Variants in MYO18B observed in about 807,000 individuals in gnomAD.
The protein encoded by MYO18B is unconventional myosin-XVIIIb.
Under a neutral mutation model 273.0 loss-of-function variants are expected in MYO18B, and 204 were observed. The ratio of observed to expected loss-of-function variants is 0.75; its 90% confidence interval spans 0.67 to 0.84. MYO18B has a LOEUF of 0.84. MYO18B is among the 40% of genes least tolerant of loss of function. MYO18B has a pLI of 0.00. For synonymous variants in MYO18B, 1,330 were observed against 1,305.7 expected (o/e 1.02, Z -0.40); for missense variants, 3,212 against 3,287.6 (o/e 0.98, Z 0.56).
chr22:26,060,662 C>T, the MYO18B span, among the ~76,000 whole-genome samples: 1 of 152,126 alleles, frequency 6.6e-6, no homozygotes, highest in Non-Finnish European at 1.5e-5. Context: ...CACATTTATA[C>T]ATACGCACAC....
chr22:25,751,964 C>A (rs957210335), intron 1 of MYO18B, among the ~76,000 whole-genome samples: 5 of 152,128 alleles, frequency 3.3e-5, no homozygotes, highest in Non-Finnish European at 7.4e-5. Context: ...CACTGCACGG[C>A]TAGGAAAACT....
intron 25 of MYO18B, among the ~76,000 whole-genome samples, chr22:25,886,316 C>T (rs73407520): frequency 0.019 from 2,873 of 152,288 alleles, 95 homozygotes; most frequent in African/African-American, 0.063. Flanking sequence ...CTGGGGAACC[C>T]GGGAGCCTGC....
chr22:26,062,680 T>C, the MYO18B span, among the ~76,000 whole-genome samples: 1 of 152,216 alleles, frequency 6.6e-6, no homozygotes, highest in Non-Finnish European at 1.5e-5. Context: ...ACAAATAAAA[T>C]ATGCCTGGCT....
the MYO18B span, among the ~76,000 whole-genome samples, chr22:26,050,881 A>G: frequency 6.6e-6 from 1 of 152,340 alleles, no homozygotes; most frequent in East Asian, 1.9e-4. Flanking sequence ...TATTTGTAGG[A>G]TAAAAGGTTG....
chr22:25,843,875 G>T lies in MYO18B; in HGVS notation c.3349G>T (p.Val1117Phe). 6.2e-7 allele frequency: 1 copy of T among 1,608,644 alleles called. No individual in the cohort carries two copies. The highest frequency in any genetic ancestry group is 8.5e-7 in the Non-Finnish European group (1 of 1,175,572). The change falls in exon 18 of 44, where the codon GTC (valine) becomes TTC (phenylalanine). Residue 1117 changes from valine (V) to phenylalanine (F), a missense_variant. Transcript: ENST00000335473. The part of the protein sequence containing the change: ...PNLSALDAPQ[V>F]LHQSKREELR... ...CCTCTCGGCCCTGGATGCACCCCAG[G>T]TCCTGCACCAGTCAAAAAGGTGAGT...
Position 25,955,166 on chromosome 22 carries a change from C to T in MYO18B, c.5971-13C>T, listed in dbSNP as rs748463239. 1 of 1,586,786 alleles carries T rather than the reference C, an allele frequency of 6.3e-7. No homozygotes were observed. Among genetic ancestry groups the T allele is most frequent in the South Asian group, 1.2e-5 (1 of 86,516 alleles). On this transcript the variant is annotated splice_polypyrimidine_tract_variant and intron_variant, in intron 38 of 43. Transcript: ENST00000335473. ...CCAACTCCAAGGTGGGCATGTGTCT[C>T]TGCCCCTCCCAGGTCCTGGTGATCC...
chr22:25,993,260 A>G (rs959398037), intron 40 of MYO18B, among the ~76,000 whole-genome samples: 3 of 152,086 alleles, frequency 2.0e-5, no homozygotes, highest in Non-Finnish European at 2.9e-5. Context: ...CCCAGGAGCT[A>G]CCTTTGTACC....
rs1353108693 is a variant in MYO18B, at chr22:25,886,144, C to A, written c.4315-4612C>A. ...CTCGAGACAACATCAGTACCCACTT[C>A]TCAGCATTTTGAGCATTCTGTGGGC... On this transcript the variant is annotated intron_variant, in intron 25 of 43. Coordinates refer to ENST00000335473, the MANE Select transcript of MYO18B (RefSeq NM_032608.7). Among the ~76,000 whole-genome samples the A allele has an allele frequency of 2.0e-5, 3 of 152,246 alleles. No homozygotes were observed. In the East Asian group the frequency reaches 5.8e-4, roughly 29 times the overall value.
At chr22:25,811,899 A>G (rs749051269) in intron 12 of MYO18B, among the ~76,000 whole-genome samples, 17 of 152,238 alleles carry the variant, frequency 1.1e-4, no homozygotes, top group Non-Finnish European at 2.2e-4. Flanking sequence ...CCAGTGTTCA[A>G]CATTTCAATG....
At chr22:25,799,914 A>G (rs1354171691) in intron 12 of MYO18B, among the ~76,000 whole-genome samples, 1 of 152,232 alleles carries the variant, frequency 6.6e-6, no homozygotes, top group Non-Finnish European at 1.5e-5. Flanking sequence ...TGGCAAAGAT[A>G]TGGAACCAAT....
intron 39 of MYO18B, 39 bp downstream of exon 39, chr22:25,955,403 G>A (rs573080148): frequency 1.9e-6 from 3 of 1,571,128 alleles, no homozygotes; most frequent in South Asian, 2.3e-5. Flanking sequence ...AGCGACTGAG[G>A]GTTTGCAATG....
chr22:25,971,420 G>A (rs2093035164), intron 39 of MYO18B, among the ~76,000 whole-genome samples: 1 of 152,190 alleles, frequency 6.6e-6, no homozygotes, highest in Non-Finnish European at 1.5e-5. Context: ...ATGTTAAGTG[G>A]TCAATAAATT....
At chr22:26,061,874 A>G in the MYO18B span, among the ~76,000 whole-genome samples, 1 of 135,976 alleles carries the variant, frequency 7.4e-6, no homozygotes, top group Admixed American at 7.4e-5. Context: ...TCCATGATTT[A>G]AAAATTGATG....
At position 25,781,749 on chromosome 22, in the gene MYO18B, A is replaced by G. The variant is rs1301135847; in HGVS notation, c.2227A>G (p.Lys743Glu). ...CTCCCTGCAGACAATGCTTTTGGAG[A>G]AGAGCCGCGTGGCACGGCAGCCGGA... ...AAQLQTMLLE[K>E]SRVARQPEGE... Residue 743 changes from lysine (K) to glutamate (E), a missense_variant, in exon 10 of 44, where the codon AAG becomes GAG. By Grantham distance (56) the Lys-to-Glu change is moderately conservative (BLOSUM62 1). Coordinates refer to ENST00000335473, the MANE Select transcript of MYO18B (RefSeq NM_032608.7). The G allele has an allele frequency of 1.3e-6, 2 of 1,572,290 alleles. No homozygotes were observed. Among genetic ancestry groups the G allele is most frequent in the African/African-American group, 2.7e-5 (2 of 73,708 alleles).
chr22:25,850,259 A>T (rs1486473716), intron 20 of MYO18B, among the ~76,000 whole-genome samples: 3 of 152,190 alleles, frequency 2.0e-5, no homozygotes, highest in African/African-American at 7.2e-5. Context: ...GTCTTTTTTA[A>T]GCAGTTGAGG....
chr22:25,743,368 C>T (rs764318434), intron 1 of MYO18B, among the ~76,000 whole-genome samples: 2 of 152,098 alleles, frequency 1.3e-5, no homozygotes, highest in Non-Finnish European at 2.9e-5. Context: ...TGCCTGGGTA[C>T]CATGTCCAGT....
In MYO18B at chr22:26,027,104, C is replaced by G. The variant is rs576505734; in HGVS notation, c.7130C>G (p.Ser2377Trp). The change falls in exon 43 of 44, where the codon TCG becomes TGG. Residue 2377 changes from serine (S) to tryptophan (W), a missense_variant. By Grantham distance (177) the Ser-to-Trp change is radical. Coordinates refer to ENST00000335473, the MANE Select transcript of MYO18B (RefSeq NM_032608.7). This position sits in a 1 kb window ranked among gnomAD's most constrained non-coding sequence, Gnocchi z 4.1. ...ACCACACCCAGGGACATGCTGTTGT[C>G]GCCCACACTGCGTCCTCGGAGGCGG... ...SPTTPRDMLL[S>W]PTLRPRRRCL... The G allele has an allele frequency of 1.2e-6, 2 of 1,613,982 alleles. No homozygotes were observed. The highest frequency in any genetic ancestry group is 2.7e-5 in the African/African-American group (2 of 75,050).
chr22:26,029,178 G>A (rs17295779), intron 43 of MYO18B, among the ~76,000 whole-genome samples: 13 of 152,200 alleles, frequency 8.5e-5, no homozygotes, highest in Non-Finnish European at 1.6e-4. Context: ...GTCTGATAGC[G>A]TATGAGCCTT....
At chr22:25,774,940 C>T (rs1457511489) in intron 7 of MYO18B, among the ~76,000 whole-genome samples, 1 of 152,244 alleles carries the variant, frequency 6.6e-6, no homozygotes, top group Admixed American at 6.5e-5. Flanking sequence ...CGTGCATGTG[C>T]CTACAAGCAC....
Sources: allele counts gnomAD v4.1 joint callset (sites outside exome capture counted in the v4.1 genomes callset), GRCh38; gene constraint gnomAD v4.1.1; non-coding constraint Gnocchi (gnomAD v3.1); transcripts MANE v1.5; gene names NCBI Gene and HGNC (gene_info 2026-07-23, HGNC 2026-07-21).